Variants in PHC2 observed in about 807,000 individuals in gnomAD.
PHC2 encodes polyhomeotic-like protein 2.
A neutral mutation model predicts 87.4 loss-of-function variants in PHC2; 29 were observed. That is an observed-to-expected ratio of 0.33 (90% CI 0.25 to 0.45). PHC2 has a LOEUF of 0.45. Among genes scored for constraint, PHC2 ranks in the 20% least tolerant of loss-of-function variants. The probability of loss-of-function intolerance (pLI) is 1.00; values close to 1 mark genes in which losing one functional copy is unlikely to be tolerated. For missense variants in PHC2, 857 were observed against 1,136.7 expected, an observed-to-expected ratio of 0.75 and a Z score of 3.54; for synonymous variants, 438 against 461.7, an observed-to-expected ratio of 0.95 and a Z score of 0.66.
chr1:33,349,818 G>C lies in PHC2; in HGVS notation c.1558+4583C>G. On this transcript the variant is annotated intron_variant, in intron 9 of 14. Transcript: ENST00000683057. This position sits in a 1 kb window ranked among gnomAD's most constrained non-coding sequence, Gnocchi z 4.2. ...GGCCGGGACGGGGGCGCGAGGCCGG[G>C]GCGGGAGCGCGGGCGGCGGCCGGGG... The C allele has an allele frequency of 1.0e-6, 1 of 976,872 alleles. No homozygotes were observed. The highest frequency in any genetic ancestry group is 1.2e-6 in the Non-Finnish European group (1 of 824,920). The allele number at this position is 976,872 out of a possible 1,614,324, so 60.5% of individuals were successfully genotyped here. A position where few individuals can be genotyped will look rare whatever the true frequency, so the allele number is the denominator to read the frequency against.
chr1:33,378,021 CAT>C (rs1648271582), intron 1 of PHC2, among the ~76,000 whole-genome samples: 1 of 152,202 alleles, frequency 6.6e-6, no homozygotes, highest in South Asian at 2.1e-4. Flanking sequence ...TCCTTATGTT[CAT>C]ATGTCTGCTT....
In PHC2 at chr1:33,328,852, A is replaced by G; in HGVS notation, c.2425+18T>C. ...TCCTTGCTATTCCGGGGAGACATGG[A>G]ATTTCCAAGGGCCTTACCTGGCAGA... On this transcript the variant is annotated intron_variant, in intron 14 of 14. Coordinates refer to ENST00000683057, the MANE Select transcript of PHC2 (RefSeq NM_001385109.1). The G allele has an allele frequency of 6.3e-7, 1 of 1,588,992 alleles. No individual in the cohort carries two copies. The highest frequency in any genetic ancestry group is 1.1e-5 in the South Asian group (1 of 90,254).
At chr1:33,333,709 G>C (rs1264103015) in intron 10 of PHC2, 6 of 232,718 alleles carry the variant, frequency 2.6e-5, no homozygotes, top group Non-Finnish European at 5.0e-5. Flanking sequence ...ACTGGCCGAA[G>C]TTTTGCCATT....
intron 9 of PHC2, among the ~76,000 whole-genome samples, chr1:33,353,872 A>C (rs1369476951): frequency 6.6e-6 from 1 of 152,200 alleles, no homozygotes; most frequent in Admixed American, 6.5e-5. Context: ...GGAGAAGTCC[A>C]CTTGTAACTG....
intron 1 of PHC2, among the ~76,000 whole-genome samples, chr1:33,399,972 G>A (rs1008480808): frequency 6.6e-6 from 1 of 151,962 alleles, no homozygotes; most frequent in African/African-American, 2.4e-5. Flanking sequence ...CAGTAAGAGA[G>A]AGATATAACT....
intron 1 of PHC2, among the ~76,000 whole-genome samples, chr1:33,379,197 G>A (rs929360159): frequency 5.3e-5 from 8 of 151,622 alleles, no homozygotes; most frequent in African/African-American, 1.9e-4. Flanking sequence ...TGGGCACAGT[G>A]CACTTCCCAC....
rs1045296359 is a variant in PHC2 at position 33,414,220 on chromosome 1, A to C, written c.-55+16756T>G. 9.2e-3 allele frequency among the ~76,000 whole-genome samples: 1,112 copies of C among 120,854 alleles called. 10 individuals are homozygous for C. The highest frequency in any genetic ancestry group is 0.031 in the African/African-American group (1,025 of 32,680). The allele number at this position is 120,854 out of a possible 152,430, so 79.3% of individuals were successfully genotyped here. ...ACACACACACACACACACACACACA[A>C]GAAAGGTTAACAGTTGAGGTTGATT... On this transcript the variant is annotated intron_variant, in intron 1 of 14. Transcript: ENST00000683057.
At chr1:33,424,097 CAA>C (rs11322060) in intron 1 of PHC2, among the ~76,000 whole-genome samples, 2,441 of 108,694 alleles carry the variant, frequency 0.022, 43 homozygotes, top group African/African-American at 0.083. Context: ...GACTCCGTCT[CAA>C]AAAAAAAAAA....
At chr1:33,425,658 T>C (rs892092649) in intron 1 of PHC2, among the ~76,000 whole-genome samples, 5 of 152,122 alleles carry the variant, frequency 3.3e-5, no homozygotes, top group Non-Finnish European at 7.4e-5. Flanking sequence ...AAGTAGAAAA[T>C]TTTGTTTTAA....
At chr1:33,397,335 T>C (rs562474202) in intron 1 of PHC2, among the ~76,000 whole-genome samples, 1 of 152,294 alleles carries the variant, frequency 6.6e-6, no homozygotes, top group East Asian at 1.9e-4. Flanking sequence ...TCTTGAGTCT[T>C]TGGAGCATGT....
In PHC2 at chr1:33,368,295, T is replaced by C. The variant is rs573441361; in HGVS notation, c.663+241A>G. On this transcript the variant is annotated intron_variant, in intron 6 of 14. Coordinates refer to ENST00000683057, the MANE Select transcript of PHC2 (RefSeq NM_001385109.1). The surrounding 1 kb of genome is among the most constrained non-coding windows in gnomAD (Gnocchi z 6.6). Reference sequence around the variant, plus strand: ...CAGCCCACCCCTCCCTGGCAAATCATGCTGGCCTCAGCAGGCTGCCCTCTG... The same window carrying C: ...CAGCCCACCCCTCCCTGGCAAATCACGCTGGCCTCAGCAGGCTGCCCTCTG... Among the ~76,000 whole-genome samples, 5 of 152,324 alleles carry C rather than the reference T, an allele frequency of 3.3e-5. No homozygotes were observed. Among genetic ancestry groups the C allele is most frequent in the South Asian group, 4.1e-4 (2 of 4,832 alleles).
intron 7 of PHC2, among the ~76,000 whole-genome samples, chr1:33,365,492 C>A (rs188666143): frequency 6.6e-6 from 1 of 152,252 alleles, no homozygotes; most frequent in East Asian, 1.9e-4. Context: ...CCAGGGCATG[C>A]GGATTGAATG....
At chr1:33,359,644 C>T (rs1468561683) in intron 7 of PHC2, among the ~76,000 whole-genome samples, 1 of 152,202 alleles carries the variant, frequency 6.6e-6, no homozygotes, top group African/African-American at 2.4e-5. Context: ...CAGATACTCT[C>T]ACCATAATTT....
At chr1:33,347,397 TTTAC>T (rs1646864362) in intron 9 of PHC2, 5 of 985,244 alleles carry the variant, frequency 5.1e-6, no homozygotes, top group Non-Finnish European at 6.0e-6. Context: ...GAGGTCCTTC[TTTAC>T]TTAGAGGGAA....
intron 1 of PHC2, among the ~76,000 whole-genome samples, chr1:33,426,110 A>G (rs888275597): frequency 1.3e-5 from 2 of 152,262 alleles, no homozygotes; most frequent in South Asian, 2.1e-4. Context: ...TGAGAGAACC[A>G]TAACCATGAA....
intron 9 of PHC2, among the ~76,000 whole-genome samples, chr1:33,336,023 CTG>C (rs1646627526): frequency 6.8e-6 from 1 of 147,170 alleles, no homozygotes; most frequent in African/African-American, 2.6e-5. Flanking sequence ...GAGTCTCACT[CTG>C]TCACCCAGGC....
chr1:33,404,428 CT>C (rs1301491690), intron 1 of PHC2, among the ~76,000 whole-genome samples: 1 of 152,064 alleles, frequency 6.6e-6, no homozygotes, highest in East Asian at 1.9e-4. Flanking sequence ...AAGTTAGTTC[CT>C]TTCCTTCTAA....
Position 33,332,192 on chromosome 1 carries a change from G to A in PHC2, c.1891+83C>T. 2.0e-6 allele frequency: 3 copies of A among 1,520,006 alleles called. No homozygotes were observed. In the Admixed American group the frequency reaches 5.1e-5, roughly 26 times the overall value. The allele number at this position is 1,520,006 out of a possible 1,614,324, so 94.2% of individuals were successfully genotyped here. A position where few individuals can be genotyped will look rare whatever the true frequency, so the allele number is the denominator to read the frequency against. On this transcript the variant is annotated intron_variant, in intron 11 of 14. Coordinates refer to ENST00000683057, the MANE Select transcript of PHC2 (RefSeq NM_001385109.1). This position sits in a 1 kb window ranked among gnomAD's most constrained non-coding sequence, Gnocchi z 4.2. ...GACTCGCTGGCTCAGGGTTCCTCTG[G>A]GGAAACAGAGAGAGGAAGTGTGTGA... is the stretch of plus-strand genomic sequence containing the variant.
At chr1:33,365,097 C>T (rs1411231784) in intron 7 of PHC2, among the ~76,000 whole-genome samples, 2 of 152,036 alleles carry the variant, frequency 1.3e-5, no homozygotes, top group East Asian at 3.9e-4. Flanking sequence ...GCCCCCAGTC[C>T]TGCCACTTAC....
Sources: allele counts gnomAD v4.1 joint callset (sites outside exome capture counted in the v4.1 genomes callset), GRCh38; gene constraint gnomAD v4.1.1; non-coding constraint Gnocchi (gnomAD v3.1); transcripts MANE v1.5; gene names NCBI Gene and HGNC (gene_info 2026-07-23, HGNC 2026-07-21).